TSPAN1: variants seen among roughly 807,000 people sequenced by gnomAD.
TSPAN1 encodes tetraspanin 1.
TSPAN1 carries 23 observed loss-of-function variants against 26.9 expected under a neutral mutation model. The ratio of observed to expected loss-of-function variants is 0.85; its 90% confidence interval spans 0.62 to 1.21. The LOEUF is 1.21. Ranked by LOEUF, TSPAN1 falls within the 50% of genes most tolerant of loss-of-function variation. The pLI is 0.00. For missense variants in TSPAN1, 283 were observed against 298.4 expected (o/e 0.95, Z 0.38); for synonymous variants, 115 against 114.8 (o/e 1.00, Z -0.01).
At position 46,182,404 on chromosome 1, in the gene TSPAN1, A is replaced by G. The variant is rs140270876; in HGVS notation, c.57+1240A>G. 2.0e-3 allele frequency among the ~76,000 whole-genome samples: 295 copies of G among 151,234 alleles called. 1 individual carries two copies. Among genetic ancestry groups the G allele is most frequent in the Non-Finnish European group, 3.3e-3 (224 of 67,856 alleles). ...TACACTAACCACATTAGAGTAGGTTAGTGTAAGTGAAAGTGAGGAAGTGGG... is the reference window on the plus strand; with the variant it reads ...TACACTAACCACATTAGAGTAGGTTGGTGTAAGTGAAAGTGAGGAAGTGGG... On this transcript the variant is annotated intron_variant, in intron 3 of 8. Transcript: ENST00000372003.
the TSPAN1 span, chr1:46,191,836 A>C: frequency 2.4e-6 from 1 of 411,258 alleles, no homozygotes; most frequent in South Asian, 2.1e-5. Context: ...GGGTTTCACC[A>C]TGTTAGCCAG....
At chr1:46,176,884 C>T (rs1657186741) in intron 1 of TSPAN1, among the ~76,000 whole-genome samples, 1 of 152,208 alleles carries the variant, frequency 6.6e-6, no homozygotes, top group Admixed American at 6.5e-5. Context: ...AGTCAATTCT[C>T]ATTATTCCCA....
chr1:46,192,961 A>C, the TSPAN1 span: 1 of 1,614,134 alleles, frequency 6.2e-7, no homozygotes, highest in Non-Finnish European at 8.5e-7. Flanking sequence ...TTGGCCTCCT[A>C]GAAGGGGAAT....
chr1:46,194,200 C>A, the TSPAN1 span: 1 of 1,613,196 alleles, frequency 6.2e-7, no homozygotes, highest in Admixed American at 1.7e-5. Flanking sequence ...GAAAGCCCAA[C>A]CTAGATCATT....
In TSPAN1 at chr1:46,181,134, C is replaced by G. The variant is rs756145194; in HGVS notation, c.27C>G (p.Thr9=). 12 of 1,613,912 alleles carry G rather than the reference C, an allele frequency of 7.4e-6. No homozygotes were observed. In the East Asian group the frequency reaches 2.2e-4, roughly 30 times the overall value. MQCFSFIK[T]MMILFNLLIF... The stretch of plus-strand genomic sequence containing the variant: ...TGCAGTGCTTCAGCTTCATTAAGAC[C>G]ATGATGATCCTCTTCAATTTGCTCA... The change falls in exon 3 of 9, where the codon ACC becomes ACG. Residue 9 remains threonine (T), a synonymous_variant. Coordinates refer to ENST00000372003, the MANE Select transcript of TSPAN1 (RefSeq NM_005727.4).
At chr1:46,186,664 G>GTTTT (rs759573351), downstream of TSPAN1, among the ~76,000 whole-genome samples, 9 of 71,822 alleles carry the variant, frequency 1.3e-4, no homozygotes, top group South Asian at 4.9e-4. Context: ...TAATTTTTGT[G>GTTTT]TTTTTTTTTT....
chr1:46,196,005 A>C, the TSPAN1 span: 1 of 1,613,950 alleles, frequency 6.2e-7, no homozygotes, highest in Non-Finnish European at 8.5e-7. The surrounding 1 kb of genome is among the most constrained non-coding windows in gnomAD (Gnocchi z 4.4). Flanking sequence ...CACCCCTAGA[A>C]ACTCACCGTG....
chr1:46,177,890 C>T (rs76869997), intron 1 of TSPAN1, among the ~76,000 whole-genome samples: 1 of 152,172 alleles, frequency 6.6e-6, no homozygotes, highest in Non-Finnish European at 1.5e-5. Context: ...TGAAGTCACA[C>T]AATTAGAGGC....
At chr1:46,193,588 T>G in the TSPAN1 span, 14 of 1,614,130 alleles carry the variant, frequency 8.7e-6, no homozygotes, top group East Asian at 1.3e-4. Context: ...CAATGAAAAC[T>G]GTTATCATCT....
In TSPAN1 at chr1:46,184,270, T is replaced by C. The variant is rs1657375061; in HGVS notation, c.137T>C (p.Leu46Pro). The C allele has an allele frequency of 7.4e-6, 12 of 1,614,216 alleles. No individual in the cohort carries two copies. Among genetic ancestry groups the C allele is most frequent in the Non-Finnish European group, 1.0e-5 (12 of 1,180,044 alleles). The change falls in exon 4 of 9, where the codon CTG (leucine) becomes CCG (proline). Residue 46 changes from leucine (L) to proline (P), a missense_variant. By Grantham distance (98) the Leu-to-Pro change is moderately conservative. Transcript: ENST00000372003. ...GASFLKIFGP[L>P]SSSAMQFVNV... is the part of the protein sequence containing the mutation. ...TCCTTTCTGAAGATCTTCGGGCCACTGTCGTCCAGTGCCATGCAGTTTGTC... is the reference window on the plus strand; with the variant it reads ...TCCTTTCTGAAGATCTTCGGGCCACCGTCGTCCAGTGCCATGCAGTTTGTC...
chr1:46,194,052 C>G, the TSPAN1 span: 1 of 1,551,708 alleles, frequency 6.4e-7, no homozygotes, highest in African/African-American at 1.4e-5. Flanking sequence ...AGAGGATCTT[C>G]CCTGTTCTGG....
chr1:46,191,348 T>G, the TSPAN1 span: 1 of 193,634 alleles, frequency 5.2e-6, no homozygotes, highest in South Asian at 1.0e-4. Flanking sequence ...GGAATGGTCC[T>G]CTGAATGCAG....
chr1:46,194,216 G>A, the TSPAN1 span: 2 of 1,613,864 alleles, frequency 1.2e-6, no homozygotes, highest in African/African-American at 2.7e-5. Flanking sequence ...TCATTCCTGG[G>A]GCCCCCCTGC....
the TSPAN1 span, chr1:46,193,340 T>G: frequency 6.2e-7 from 1 of 1,613,460 alleles, no homozygotes; most frequent in Admixed American, 1.7e-5. Context: ...CTGATGGGAG[T>G]ATGCTGGATG....
At chr1:46,189,091 T>C, downstream of TSPAN1, 1 of 1,505,640 alleles carries the variant, frequency 6.6e-7, no homozygotes, top group South Asian at 1.4e-5. Flanking sequence ...GACTTTTAAC[T>C]CAGGAACGGG....
At chr1:46,184,513 C>T in intron 4 of TSPAN1, 81 bp from the exon 5 acceptor site, 1 of 1,601,422 alleles carries the variant, frequency 6.2e-7, no homozygotes, top group Non-Finnish European at 8.5e-7. Context: ...TTCTGTCTCA[C>T]TTTTCCGGGG....
At position 46,184,475 on chromosome 1, in the gene TSPAN1, C is replaced by T. The variant is rs972500660; in HGVS notation, c.264+78C>T. The T allele has an allele frequency of 3.1e-6, 5 of 1,609,002 alleles. No homozygotes were observed. The African/African-American group carries it at 5.4e-5, about 17-fold the overall frequency. ...ACACCAGGCCCTGGGATTCCCAAACCCTGCTTTGGACCCCCCTAGGCTCAG... is the reference window on the plus strand; with the variant it reads ...ACACCAGGCCCTGGGATTCCCAAACTCTGCTTTGGACCCCCCTAGGCTCAG... On this transcript the variant is annotated intron_variant, in intron 4 of 8. Transcript: ENST00000372003.
chr1:46,177,460 C>G (rs1048559381), intron 1 of TSPAN1, among the ~76,000 whole-genome samples: 6 of 152,110 alleles, frequency 3.9e-5, no homozygotes, highest in Non-Finnish European at 5.9e-5. Context: ...TGAAACTTAT[C>G]TAAAGCACAT....
downstream of TSPAN1, chr1:46,190,937 G>T: frequency 1.4e-6 from 1 of 729,860 alleles, no homozygotes. Flanking sequence ...CCTCTTTGCA[G>T]CATCCTCAGC....
Sources: allele counts gnomAD v4.1 joint callset (sites outside exome capture counted in the v4.1 genomes callset), GRCh38; gene constraint gnomAD v4.1.1; non-coding constraint Gnocchi (gnomAD v3.1); transcripts MANE v1.5; gene names NCBI Gene and HGNC (gene_info 2026-07-23, HGNC 2026-07-21).